Variants in AXL observed in about 807,000 individuals in gnomAD.
AXL encodes the protein AXL receptor tyrosine kinase.
A neutral mutation model predicts 104.5 loss-of-function variants in AXL; 52 were observed. The observed-to-expected ratio is 0.50, with a 90% CI of 0.40 to 0.63. The LOEUF is 0.63. Among genes scored for constraint, AXL ranks in the 20% least tolerant of loss-of-function variants. AXL has a pLI of 0.00. For synonymous variants in AXL, 455 were observed against 473.7 expected (o/e 0.96, Z 0.51); for missense variants, 1,024 against 1,188.5 (o/e 0.86, Z 2.04).
At chr19:41,245,494 C>A (rs1028788957) in intron 12 of AXL, among the ~76,000 whole-genome samples, 5 of 151,950 alleles carry the variant, frequency 3.3e-5, no homozygotes, top group African/African-American at 9.7e-5. Context: ...GAGGCCCAGG[C>A]GGGCAGACAC....
At chr19:41,248,869 C>A in intron 14 of AXL, 49 bp downstream of exon 14, 1 of 1,529,536 alleles carries the variant, frequency 6.5e-7, no homozygotes, top group Non-Finnish European at 8.8e-7. Flanking sequence ...CCCTATGCCC[C>A]TGAGACAGAA....
intron 4 of AXL, among the ~76,000 whole-genome samples, chr19:41,222,965 GA>G (rs1414580092): frequency 2.7e-5 from 4 of 149,810 alleles, no homozygotes; most frequent in African/African-American, 7.4e-5. Context: ...ACATACACTG[GA>G]AGGGACAGGC....
intron 12 of AXL, among the ~76,000 whole-genome samples, chr19:41,244,096 C>T (rs1349711622): frequency 6.6e-6 from 1 of 151,768 alleles, no homozygotes; most frequent in Non-Finnish European, 1.5e-5. Context: ...CCCTGCTACT[C>T]GGGAGGCTGA....
intron 9 of AXL, 127 bp downstream of exon 9, chr19:41,239,441 T>G (rs2034141514): frequency 7.3e-7 from 1 of 1,370,936 alleles, no homozygotes; most frequent in Non-Finnish European, 9.9e-7. Flanking sequence ...TACTGAGAGC[T>G]GCCCTCACTC....
Position 41,259,805 on chromosome 19 carries a change from T to G in AXL, c.2586T>G (p.Pro862=), listed in dbSNP as rs1285841938. ...CSCLTAAEVH[P]AGRYVLCPST... ...GCCTCACTGCGGCTGAGGTCCATCC[T>G]GCTGGACGCTATGTCCTCTGCCCTT... is the stretch of plus-strand genomic sequence containing the variant. Residue 862 remains proline (P), a synonymous_variant, in exon 20 of 20, where the codon CCT becomes CCG. Transcript: ENST00000301178. 1 of 1,614,118 alleles carries G rather than the reference T, an allele frequency of 6.2e-7. No homozygotes were observed. Among genetic ancestry groups the G allele is most frequent in the African/African-American group, 1.3e-5 (1 of 75,038 alleles).
intron 10 of AXL, among the ~76,000 whole-genome samples, chr19:41,240,784 C>G (rs1440178218): frequency 6.6e-6 from 1 of 152,162 alleles, no homozygotes; most frequent in Non-Finnish European, 1.5e-5. Flanking sequence ...CTTGTATGCA[C>G]TTACCATACC....
chr19:41,226,290 C>T (rs930873101), intron 4 of AXL, among the ~76,000 whole-genome samples: 2 of 152,190 alleles, frequency 1.3e-5, no homozygotes, highest in African/African-American at 2.4e-5. Flanking sequence ...CGCCAGCTCC[C>T]GCGCGCTGAC....
intron 4 of AXL, chr19:41,226,934 CAA>C: frequency 5.1e-6 from 2 of 395,824 alleles, no homozygotes; most frequent in Non-Finnish European, 6.8e-6. Flanking sequence ...CTCTTCTCTA[CAA>C]AAAAAAATTG....
chr19:41,239,197 AC>A lies in AXL; in HGVS notation c.1171del (p.Leu391TrpfsTer12). The A allele has an allele frequency of 6.2e-7, 1 of 1,613,270 alleles. No individual in the cohort carries two copies. Among genetic ancestry groups the A allele is most frequent in the Non-Finnish European group, 8.5e-7 (1 of 1,179,542 alleles). ...GGACATAGGGCTAAGGCAAGAGGTG[AC>A]CCTGGAGCTGCAGGGGGACGGGTCT... ...LMDIGLRQEV[T>X]LELQGDGSVS... is the part of the protein sequence containing the mutation. On this transcript the variant is annotated frameshift_variant, in exon 9 of 20. Coordinates refer to ENST00000301178, the MANE Select transcript of AXL (RefSeq NM_021913.5). LOFTEE classifies it high-confidence loss of function.
intron 11 of AXL, 132 bp downstream of exon 11, chr19:41,243,147 G>GA: frequency 1.5e-6 from 2 of 1,326,680 alleles, no homozygotes; most frequent in Non-Finnish European, 2.1e-6. Context: ...AGCCAGGCGT[G>GA]GTGGCTCACG....
chr19:41,234,088 C>T (rs1486577325), intron 6 of AXL, among the ~76,000 whole-genome samples: 1 of 152,038 alleles, frequency 6.6e-6, no homozygotes, highest in Non-Finnish European at 1.5e-5. Context: ...GACAGCCTCA[C>T]CCCCTCCTCG....
At chr19:41,229,171 G>C (rs924626696) in intron 4 of AXL, among the ~76,000 whole-genome samples, 1 of 150,768 alleles carries the variant, frequency 6.6e-6, no homozygotes, top group African/African-American at 2.4e-5. Flanking sequence ...GGCTGGTCTC[G>C]AACTTCGGAC....
Position 41,248,522 on chromosome 19 carries a change from C to T in AXL, c.1546C>T (p.Leu516=), listed in dbSNP as rs17853029. Residue 516 remains leucine, a synonymous_variant, in exon 13 of 20, where the codon CTG becomes TTG. Coordinates refer to ENST00000301178, the MANE Select transcript of AXL (RefSeq NM_021913.5). ...CCCAACCTTGCATGCAGTGAACAGC[C>T]TGGGCATCAGTGAAGAGCTGAAGGA... ...RRTTEATLNS[L]GISEELKEKL... 1 of 1,614,216 alleles carries T rather than the reference C, an allele frequency of 6.2e-7. No homozygotes were observed. The highest frequency in any genetic ancestry group is 1.1e-5 in the South Asian group (1 of 91,086).
intron 10 of AXL, among the ~76,000 whole-genome samples, chr19:41,240,403 A>ATGG (rs2034162321): frequency 3.1e-5 from 4 of 127,148 alleles, no homozygotes; most frequent in African/African-American, 6.3e-5. Context: ...TGGATGGATG[A>ATGG]ATGGATGGTT....
At position 41,238,505 on chromosome 19, in the gene AXL, C is replaced by A. The variant is rs148886744; in HGVS notation, c.1030C>A (p.Arg344=). The A allele has an allele frequency of 1.2e-6, 2 of 1,613,866 alleles. No homozygotes were observed. The highest frequency in any genetic ancestry group is 1.3e-5 in the African/African-American group (1 of 74,894). The change falls in exon 8 of 20, where the codon CGG becomes AGG. Residue 344 remains arginine (R), a synonymous_variant. Transcript: ENST00000301178. The part of the protein sequence containing the change: ...LGPPENISAT[R]NGSQAFVHWQ... ...CCCCCCTGAGAACATTAGTGCTACG[C>A]GGAATGGGAGCCAGGCCTTCGTGCA...
At chr19:41,254,539 A>T (rs2034423968) in intron 17 of AXL, among the ~76,000 whole-genome samples, 1 of 151,794 alleles carries the variant, frequency 6.6e-6, no homozygotes, top group Non-Finnish European at 1.5e-5. Context: ...AGAAAAAAAG[A>T]AAAGAAAGAA....
At chr19:41,226,599 C>G (rs979757784) in intron 4 of AXL, among the ~76,000 whole-genome samples, 3 of 152,232 alleles carry the variant, frequency 2.0e-5, no homozygotes, top group Admixed American at 6.5e-5. Flanking sequence ...GGATGGAGAG[C>G]CTCCCTTGCC....
At chr19:41,258,171 A>G (rs1162069249) in intron 19 of AXL, among the ~76,000 whole-genome samples, 1 of 152,248 alleles carries the variant, frequency 6.6e-6, no homozygotes, top group Non-Finnish European at 1.5e-5. Context: ...CTTTGAGGGT[A>G]AAGAGAGGAT....
chr19:41,226,702 A>G, intron 4 of AXL: 3 of 975,506 alleles, frequency 3.1e-6, no homozygotes, highest in Non-Finnish European at 3.7e-6. Context: ...CCATCCACAG[A>G]TACACGCAGG....
Sources: allele counts gnomAD v4.1 joint callset (sites outside exome capture counted in the v4.1 genomes callset), GRCh38; gene constraint gnomAD v4.1.1; transcripts MANE v1.5; gene names NCBI Gene and HGNC (gene_info 2026-07-23, HGNC 2026-07-21).